The following CCDC136 variants were observed in gnomAD, a reference collection of about 807,000 sequenced individuals.
CCDC136 encodes the protein coiled-coil domain-containing protein 136.
In CCDC136, 100 loss-of-function variants were observed where a neutral mutation model predicts 141.2. The observed-to-expected ratio is 0.71, with a 90% CI of 0.60 to 0.84. The LOEUF is 0.84. Ranked by LOEUF, CCDC136 falls within the 40% of genes least tolerant of loss-of-function variation. The pLI, the probability that CCDC136 is intolerant of heterozygous loss-of-function variation, is 0.00. For missense variants in CCDC136, 1,206 were observed against 1,379.4 expected (o/e 0.87, Z 1.99); for synonymous variants, 474 against 531.9 (o/e 0.89, Z 1.50).
At chr7:128,806,605 G>A in intron 8 of CCDC136, 83 bp from the exon 9 acceptor site, 2 of 1,333,820 alleles carry the variant, frequency 1.5e-6, no homozygotes, top group Middle Eastern at 2.7e-4. Context: ...ATCTTAGACT[G>A]TTGGTGTCTT....
chr7:128,804,847 G>A (rs972010855), intron 5 of CCDC136, 86 bp downstream of exon 5: 128 of 794,470 alleles, frequency 1.6e-4, no homozygotes, highest in Non-Finnish European at 2.2e-4. Flanking sequence ...CAGATGCCAG[G>A]GCAGTGAGCG....
intron 14 of CCDC136, 91 bp from the exon 15 acceptor site, chr7:128,814,547 A>AC: frequency 1.1e-6 from 1 of 933,514 alleles, no homozygotes; most frequent in South Asian, 2.1e-5. Flanking sequence ...TGAGACAGTG[A>AC]CCCCCAAGCA....
chr7:128,821,724 C>A lies in CCDC136; in HGVS notation c.*6-75C>A. On this transcript the variant is annotated intron_variant, in intron 17 of 17. Transcript: ENST00000297788. The surrounding 1 kb of genome is among the most constrained non-coding windows in gnomAD (Gnocchi z 5.1). ...ATGTTCCTGAGGTGTCTTGGGCACC[C>A]ATAGGCAGGTGACTTCTGGCTTAGG... The A allele has an allele frequency of 8.4e-7, 1 of 1,197,054 alleles. No homozygotes were observed. Among genetic ancestry groups the A allele is most frequent in the Non-Finnish European group, 1.1e-6 (1 of 905,406 alleles). 74.2% of individuals were successfully genotyped at this position (1,197,054 alleles called of 1,614,324 possible). A position where few individuals can be genotyped will look rare whatever the true frequency, so the allele number is the denominator to read the frequency against.
intron 3 of CCDC136, among the ~76,000 whole-genome samples, chr7:128,796,966 C>T (rs1046545592): frequency 1.3e-5 from 2 of 151,558 alleles, no homozygotes; most frequent in Non-Finnish European, 2.9e-5. Flanking sequence ...TGGTCTCGAT[C>T]TCCTGACCTC....
Position 128,807,404 on chromosome 7 carries a change from C to T in CCDC136, c.1464C>T (p.Tyr488=). The T allele has an allele frequency of 6.3e-7, 1 of 1,581,030 alleles. No individual in the cohort carries two copies. Among genetic ancestry groups the T allele is most frequent in the East Asian group, 2.4e-5 (1 of 42,378 alleles). ...HAQLQEMKQL[Y]QASKDELERQ... ...AGCTTCAGGAGATGAAGCAGCTGTACCAGGCCAGCAAGGACGAGCTGGAGC... is the reference window on the plus strand; with the variant it reads ...AGCTTCAGGAGATGAAGCAGCTGTATCAGGCCAGCAAGGACGAGCTGGAGC... The change falls in exon 10 of 18, where the codon TAC becomes TAT. Residue 488 remains tyrosine (Y), a synonymous_variant. Transcript: ENST00000297788.
rs1280420409 is a variant in CCDC136 at position 128,821,909 on chromosome 7, A to G, written c.*116A>G. Reference sequence around the variant, plus strand: ...AGTCAGAGTTCTGCCTCATGGAGTGATGGCAGACCTTGGCCAGCGCGAGGG... The same window carrying G: ...AGTCAGAGTTCTGCCTCATGGAGTGGTGGCAGACCTTGGCCAGCGCGAGGG... On this transcript the variant is annotated 3_prime_UTR_variant, in exon 18 of 18. Coordinates refer to ENST00000297788, the MANE Select transcript of CCDC136 (RefSeq NM_022742.5). This position sits in a 1 kb window ranked among gnomAD's most constrained non-coding sequence, Gnocchi z 5.1. 1.6e-6 allele frequency: 2 copies of G among 1,289,934 alleles called. No individual in the cohort carries two copies. The highest frequency in any genetic ancestry group is 1.2e-5 in the South Asian group (1 of 81,028). The allele number at this position is 1,289,934 out of a possible 1,614,324, so 79.9% of individuals were successfully genotyped here. A position where few individuals can be genotyped will look rare whatever the true frequency, so the allele number is the denominator to read the frequency against.
intron 3 of CCDC136, among the ~76,000 whole-genome samples, chr7:128,797,896 G>T (rs886952562): frequency 1.3e-5 from 2 of 149,854 alleles, no homozygotes; most frequent in Non-Finnish European, 3.0e-5. Context: ...ATGCAGGCAG[G>T]AACTACCTGG....
chr7:128,810,291 GTC>G lies in CCDC136; in HGVS notation c.1956_1957del (p.His653PhefsTer10). 6.2e-7 allele frequency: 1 copy of G among 1,614,052 alleles called. No individual in the cohort carries two copies. Among genetic ancestry groups the G allele is most frequent in the African/African-American group, 1.3e-5 (1 of 75,072 alleles). ...IHEELRRFKE[S>X]HFQEVLENPD... is the part of the protein sequence containing the mutation. ...ACGAAGAGCTGCGACGTTTCAAAGA[GTC>G]TCATTTCCAGGAAGTGTTGGAGAAT... On this transcript the variant is annotated frameshift_variant, in exon 12 of 18. Coordinates refer to ENST00000297788, the MANE Select transcript of CCDC136 (RefSeq NM_022742.5). LOFTEE classifies it high-confidence loss of function.
chr7:128,805,324 C>T lies in CCDC136; in HGVS notation c.783-35C>T, dbSNP rs1393779913. ...ATGGCTGGTGATGCCAGGCAGAACT[C>T]CCTTCAAGCATAGCTCTGCGGTTCT... On this transcript the variant is annotated intron_variant, in intron 5 of 17. Transcript: ENST00000297788. The surrounding 1 kb of genome is among the most constrained non-coding windows in gnomAD (Gnocchi z 4.6). 3.1e-6 allele frequency: 5 copies of T among 1,604,158 alleles called. No homozygotes were observed. In the East Asian group the frequency reaches 8.9e-5, roughly 29 times the overall value.
At chr7:128,810,502 C>A (rs1325623687) in intron 12 of CCDC136, 136 bp downstream of exon 12, 2 of 643,446 alleles carry the variant, frequency 3.1e-6, no homozygotes, top group Non-Finnish European at 5.4e-6. Flanking sequence ...CCCTGCCTTT[C>A]ACCAGCTGTG....
intron 10 of CCDC136, chr7:128,809,247 C>G (rs533861203): frequency 5.6e-6 from 3 of 531,788 alleles, no homozygotes; most frequent in Non-Finnish European, 1.0e-5. Flanking sequence ...CTAGAGCAAC[C>G]TGCTCTGAAG....
At chr7:128,815,989 C>T in intron 16 of CCDC136, 58 bp downstream of exon 16, 1 of 1,516,004 alleles carries the variant, frequency 6.6e-7, no homozygotes, top group Non-Finnish European at 8.9e-7. Flanking sequence ...TCAGATAACT[C>T]CGAGTTAATG....
At chr7:128,791,669 C>T, upstream of CCDC136, 1 of 644,832 alleles carries the variant, frequency 1.6e-6, no homozygotes, top group Non-Finnish European at 2.2e-6. The surrounding 1 kb of genome is among the most constrained non-coding windows in gnomAD (Gnocchi z 7.1). Flanking sequence ...CGCCCAAAGT[C>T]TTCCTCCCTC....
chr7:128,819,739 A>G (rs1807182106), intron 17 of CCDC136, among the ~76,000 whole-genome samples: 1 of 152,058 alleles, frequency 6.6e-6, no homozygotes, highest in African/African-American at 2.4e-5. Context: ...GATTATAAGG[A>G]CTCAATATTA....
rs780157769 is a variant in CCDC136, at chr7:128,806,854, A to G, written c.1415A>G (p.Glu472Gly). 2.4e-5 allele frequency: 38 copies of G among 1,596,644 alleles called. No homozygotes were observed. The highest frequency in any genetic ancestry group is 3.2e-5 in the Non-Finnish European group (38 of 1,170,218). ...GTGGCCTCCTTCAAAGAGAGCAATG[A>G]GAAGGTAAAAGAAGCTCCTGGTGAG... ...DTVASFKESN[E>G]KDTETHAQLQ... Residue 472 changes from glutamate to glycine, a missense_variant, in exon 9 of 18, where the codon GAG (glutamate) becomes GGG (glycine). Glu to Gly is a moderately conservative substitution (Grantham distance 98). Coordinates refer to ENST00000297788, the MANE Select transcript of CCDC136 (RefSeq NM_022742.5).
At position 128,814,623 on chromosome 7, in the gene CCDC136, C is replaced by T; in HGVS notation, c.2764-15C>T. On this transcript the variant is annotated splice_polypyrimidine_tract_variant and intron_variant, in intron 14 of 17. Transcript: ENST00000297788. Reference sequence around the variant, plus strand: ...ACCAGCCAACTCTGGGTAACTGGCCCTCCACTACCAACAGATCAAAGAACT... The same window carrying T: ...ACCAGCCAACTCTGGGTAACTGGCCTTCCACTACCAACAGATCAAAGAACT... The T allele has an allele frequency of 2.0e-6, 3 of 1,526,246 alleles. No homozygotes were observed. The highest frequency in any genetic ancestry group is 2.6e-6 in the Non-Finnish European group (3 of 1,136,758). The allele number at this position is 1,526,246 out of a possible 1,614,324, so 94.5% of individuals were successfully genotyped here. A position where few individuals can be genotyped will look rare whatever the true frequency, so the allele number is the denominator to read the frequency against.
intron 1 of CCDC136, among the ~76,000 whole-genome samples, chr7:128,793,808 C>T (rs1562899392): frequency 1.3e-5 from 2 of 152,142 alleles, no homozygotes; most frequent in African/African-American, 4.8e-5. Context: ...GAAGGGGTTT[C>T]ACCATGTTGA....
chr7:128,813,853 A>G (rs1806146474), intron 14 of CCDC136, among the ~76,000 whole-genome samples: 1 of 152,000 alleles, frequency 6.6e-6, no homozygotes, highest in Non-Finnish European at 1.5e-5. Context: ...ATGGTGGCGC[A>G]TGCCTGTAAT....
chr7:128,812,424 C>A, intron 13 of CCDC136, 112 bp downstream of exon 13: 1 of 1,194,444 alleles, frequency 8.4e-7, no homozygotes, highest in Non-Finnish European at 1.2e-6. Context: ...CAGAACTGAC[C>A]TGGGGAACTA....
Sources: allele counts gnomAD v4.1 joint callset (sites outside exome capture counted in the v4.1 genomes callset), GRCh38; gene constraint gnomAD v4.1.1; non-coding constraint Gnocchi (gnomAD v3.1); transcripts MANE v1.5; gene names NCBI Gene and HGNC (gene_info 2026-07-23, HGNC 2026-07-21).